BRINP3: variants seen among roughly 807,000 people sequenced by gnomAD.
BRINP3 encodes the protein BMP/retinoic acid-inducible neural-specific protein 3.
In BRINP3, 19 loss-of-function variants were observed where a neutral mutation model predicts 71.0. The observed-to-expected ratio is 0.27, with a 90% CI of 0.19 to 0.39. The LOEUF is 0.39. BRINP3 is among the 10% of genes least tolerant of loss of function. The pLI is 1.00. For missense variants in BRINP3, 959 were observed against 940.8 expected (o/e 1.02, Z -0.25); for synonymous variants, 380 against 337.7 (o/e 1.13, Z -1.37).
At chr1:190,370,075 G>A (rs951592640) in intron 2 of BRINP3, among the ~76,000 whole-genome samples, 2 of 152,044 alleles carry the variant, frequency 1.3e-5, no homozygotes, top group Non-Finnish European at 2.9e-5. Flanking sequence ...AATTGAAGAA[G>A]TACAAACAAA....
intron 2 of BRINP3, among the ~76,000 whole-genome samples, chr1:190,335,304 C>T (rs183133582): frequency 2.6e-5 from 4 of 151,834 alleles, no homozygotes; most frequent in Admixed American, 1.3e-4. Context: ...GTCACTTACC[C>T]GATAGAGGCT....
chr1:190,122,886 G>A (rs990790182), intron 7 of BRINP3, among the ~76,000 whole-genome samples: 6 of 151,918 alleles, frequency 3.9e-5, no homozygotes, highest in African/African-American at 1.2e-4. Context: ...TGTCTGTGCC[G>A]GCTACTGAGA....
chr1:190,106,334 A>G (rs1291024314), intron 7 of BRINP3, among the ~76,000 whole-genome samples: 1 of 151,766 alleles, frequency 6.6e-6, no homozygotes, highest in African/African-American at 2.4e-5. Context: ...ATCATAAAGT[A>G]CCTAAGTCAG....
chr1:190,378,206 C>A (rs1317300215), intron 2 of BRINP3, among the ~76,000 whole-genome samples: 1 of 152,128 alleles, frequency 6.6e-6, no homozygotes, highest in Non-Finnish European at 1.5e-5. Context: ...AACATGTGAT[C>A]CAATTCTGGC....
chr1:190,155,504 T>C (rs1440686566), intron 7 of BRINP3, among the ~76,000 whole-genome samples: 4 of 152,118 alleles, frequency 2.6e-5, no homozygotes, highest in Admixed American at 2.0e-4. Flanking sequence ...TCATTAAATG[T>C]AGTATTTCTA....
chr1:190,338,799 G>A lies in BRINP3; in HGVS notation c.237-57049C>T, dbSNP rs540777688. On this transcript the variant is annotated intron_variant, in intron 2 of 7. Coordinates refer to ENST00000367462, the MANE Select transcript of BRINP3 (RefSeq NM_199051.3). The stretch of plus-strand genomic sequence containing the variant: ...GTAAGATAATGTAATTTTAGACTTA[G>A]AAAAGGTAAGGAGTTTTAATTAAGA... 5.3e-5 allele frequency among the ~76,000 whole-genome samples: 8 copies of A among 151,794 alleles called. No individual in the cohort carries two copies. The South Asian group carries it at 1.2e-3, about 24-fold the overall frequency.
chr1:190,360,081 C>T (rs1291882368), intron 2 of BRINP3, among the ~76,000 whole-genome samples: 1 of 152,150 alleles, frequency 6.6e-6, no homozygotes, highest in African/African-American at 2.4e-5. Context: ...ATCATTTCCA[C>T]TATGTAAGTG....
At chr1:190,141,030 C>A (rs1022682324) in intron 7 of BRINP3, among the ~76,000 whole-genome samples, 3 of 152,074 alleles carry the variant, frequency 2.0e-5, no homozygotes, top group Non-Finnish European at 4.4e-5. Flanking sequence ...GCAACAGGTG[C>A]AGAATTATAC....
At chr1:190,431,935 G>T (rs1487515847) in intron 2 of BRINP3, among the ~76,000 whole-genome samples, 1 of 151,982 alleles carries the variant, frequency 6.6e-6, no homozygotes, top group African/African-American at 2.4e-5. Context: ...AGAAAAAATT[G>T]TTTCTAAACT....
intron 2 of BRINP3, among the ~76,000 whole-genome samples, chr1:190,430,846 C>T (rs1036739065): frequency 2.0e-5 from 3 of 152,060 alleles, no homozygotes; most frequent in African/African-American, 4.8e-5. Context: ...TGGAGTCAAC[C>T]TATAAATTGA....
chr1:190,239,058 G>A (rs1237867410), intron 4 of BRINP3, among the ~76,000 whole-genome samples: 1 of 152,100 alleles, frequency 6.6e-6, no homozygotes, highest in Non-Finnish European at 1.5e-5. Context: ...GAAAGAGAGC[G>A]AGGAAGTGCC....
intron 3 of BRINP3, among the ~76,000 whole-genome samples, chr1:190,269,012 A>G (rs1319405805): frequency 6.6e-6 from 1 of 152,142 alleles, no homozygotes; most frequent in Non-Finnish European, 1.5e-5. Flanking sequence ...AAAAGTAAGA[A>G]AGACTTAAAA....
At chr1:190,125,737 C>T (rs559178782) in intron 7 of BRINP3, among the ~76,000 whole-genome samples, 1 of 152,086 alleles carries the variant, frequency 6.6e-6, no homozygotes, top group South Asian at 2.1e-4. Flanking sequence ...GATAGCCAGT[C>T]AGTCAAAGGC....
intron 6 of BRINP3, among the ~76,000 whole-genome samples, chr1:190,187,685 G>A (rs1380634361): frequency 6.6e-6 from 1 of 152,070 alleles, no homozygotes; most frequent in African/African-American, 2.4e-5. Context: ...GTAGTTCACT[G>A]TAAATGCATG....
chr1:190,187,018 C>T (rs1391221878), intron 6 of BRINP3, among the ~76,000 whole-genome samples: 4 of 152,112 alleles, frequency 2.6e-5, no homozygotes, highest in Non-Finnish European at 4.4e-5. Flanking sequence ...CCAGTGAAAA[C>T]GCAGAGTTTG....
chr1:190,167,017 G>A (rs2102482777), intron 6 of BRINP3, among the ~76,000 whole-genome samples: 1 of 152,156 alleles, frequency 6.6e-6, no homozygotes, highest in East Asian at 1.9e-4. Flanking sequence ...GAGACATCGC[G>A]CCGGGCCTAT....
intron 2 of BRINP3, among the ~76,000 whole-genome samples, chr1:190,414,013 A>G (rs1329264328): frequency 6.6e-6 from 1 of 152,026 alleles, no homozygotes; most frequent in Non-Finnish European, 1.5e-5. Flanking sequence ...CCCAGGCTGG[A>G]GTGCAGTGGT....
chr1:190,283,004 C>G lies in BRINP3; in HGVS notation c.237-1254G>C, dbSNP rs924127482. Among the ~76,000 whole-genome samples, 5 of 151,884 alleles carry G rather than the reference C, an allele frequency of 3.3e-5. No individual in the cohort carries two copies. The Admixed American group carries it at 3.3e-4, about 10-fold the overall frequency. ...AGGACTGAAGCAGAATAATGAGGAA[C>G]AGTGTACATACTTCCAGGACAAAGG... On this transcript the variant is annotated intron_variant, in intron 2 of 7. Coordinates refer to ENST00000367462, the MANE Select transcript of BRINP3 (RefSeq NM_199051.3).
At chr1:190,354,242 G>A (rs950608829) in intron 2 of BRINP3, among the ~76,000 whole-genome samples, 3 of 151,870 alleles carry the variant, frequency 2.0e-5, no homozygotes, top group Non-Finnish European at 4.4e-5. Flanking sequence ...TTGATTTAGG[G>A]CAGTTTAGCA....
Sources: gnomAD v4.1 joint callset for allele counts (sites outside exome capture counted in the v4.1 genomes callset) on GRCh38, gnomAD v4.1.1 for gene constraint, MANE v1.5 for transcripts, NCBI Gene and HGNC (gene_info 2026-07-23, HGNC 2026-07-21) for gene names.